Variants in PLCH2 observed in about 807,000 individuals in gnomAD.
PLCH2 encodes the protein 1-phosphatidylinositol 4,5-bisphosphate phosphodiesterase eta-2.
PLCH2 carries 98 observed loss-of-function variants against 134.7 expected under a neutral mutation model. The ratio of observed to expected loss-of-function variants is 0.73; its 90% CI spans 0.62 to 0.86. The LOEUF is 0.86. Among genes scored for constraint, PLCH2 ranks in the 40% least tolerant of loss-of-function variants. The pLI, the probability that PLCH2 is intolerant of heterozygous loss-of-function variation, is 0.00. For synonymous variants in PLCH2, 974 were observed against 827.5 expected (o/e 1.18, Z -3.04); for missense variants, 1,994 against 1,986.6 (o/e 1.00, Z -0.07).
intron 1 of PLCH2, among the ~76,000 whole-genome samples, chr1:2,427,970 C>T (rs367617194): frequency 3.3e-5 from 5 of 152,124 alleles, no homozygotes; most frequent in Admixed American, 2.0e-4. Context: ...CCGGGGGCTT[C>T]GAGGGCAGAG....
In PLCH2 at chr1:2,499,936, T is replaced by G. The variant is rs111550591; in HGVS notation, c.2661+216T>G. 4,628 of 605,686 alleles carry G rather than the reference T, an allele frequency of 7.6e-3. 30 individuals are homozygous for G. The highest frequency in any genetic ancestry group is 0.024 in the African/African-American group (1,284 of 54,314). 37.5% of individuals were successfully genotyped at this position (605,686 alleles called of 1,614,324 possible). A position where few individuals can be genotyped will look rare whatever the true frequency, so the allele number is the denominator to read the frequency against. ...CCCACCTCTGATCTCAGGGCTGGCT[T>G]TGGGCATCTCGGGCAGGACAGGTCC... is the stretch of plus-strand genomic sequence containing the variant. On this transcript the variant is annotated intron_variant, in intron 20 of 21. Transcript: ENST00000378486.
At chr1:2,446,773 G>C (rs1276565116) in intron 2 of PLCH2, among the ~76,000 whole-genome samples, 1 of 152,150 alleles carries the variant, frequency 6.6e-6, no homozygotes, top group Non-Finnish European at 1.5e-5. Flanking sequence ...TGGCAGAGGG[G>C]TCGGGGCCTG....
Position 2,439,244 on chromosome 1 carries a change from G to GC in PLCH2, c.115+8622dup, listed in dbSNP as rs34299371. Among the ~76,000 whole-genome samples the GC allele has an allele frequency of 2.6e-5, 4 of 151,920 alleles. No individual in the cohort carries two copies. The highest frequency in any genetic ancestry group is 5.9e-5 in the Non-Finnish European group (4 of 67,982). On this transcript the variant is annotated intron_variant, in intron 2 of 3. Transcript: ENST00000609981. This position sits in a 1 kb window ranked among gnomAD's most constrained non-coding sequence, Gnocchi z 4.7. ...CAGGCAGTGCCTATAAAGACCTTTG[G>GC]CCCCCCCGAGGGTGTCCTCACCCTT...
the PLCH2 span, among the ~76,000 whole-genome samples, chr1:2,416,934 C>CCTGGGGCT: frequency 2.6e-5 from 4 of 152,096 alleles, no homozygotes; most frequent in Admixed American, 6.5e-5. Context: ...CTGGGGGGGC[C>CCTGGGGCT]CTGGGGCTCT....
Position 2,489,860 on chromosome 1 carries a change from A to T in PLCH2, c.1508A>T (p.Asn503Ile). The T allele has an allele frequency of 6.2e-7, 1 of 1,609,386 alleles. No individual in the cohort carries two copies. The highest frequency in any genetic ancestry group is 8.5e-7 in the Non-Finnish European group (1 of 1,175,884). Residue 503 changes from asparagine (N) to isoleucine (I), a missense_variant, in exon 10 of 22, where the codon AAT (asparagine) becomes ATT (isoleucine). This residue lies in a region of PLCH2 where 1,094 missense variants were observed against 1,234.3 expected (regional missense o/e 0.89). Coordinates refer to ENST00000378486, the MANE Select transcript of PLCH2 (RefSeq NM_014638.4). ...DEIDDDCKLLNGDASTNRKRV... is the reference protein window; with the variant it reads ...DEIDDDCKLLIGDASTNRKRV... ...ATTGACGATGACTGCAAGCTCCTCA[A>T]TGGGGATGTGAGTCGGGCTGGAGGT...
chr1:2,428,892 G>A (rs1638933392), intron 1 of PLCH2, among the ~76,000 whole-genome samples: 1 of 152,274 alleles, frequency 6.6e-6, no homozygotes, highest in African/African-American at 2.4e-5. Flanking sequence ...GCACCACCAG[G>A]CTTGGGTGAG....
chr1:2,445,590 C>T (rs114109970), intron 2 of PLCH2, among the ~76,000 whole-genome samples: 1,535 of 151,758 alleles, frequency 0.01, 26 homozygotes, highest in African/African-American at 0.035. Context: ...AGGGTGGGGA[C>T]AGGTTGGCAG....
upstream of PLCH2, among the ~76,000 whole-genome samples, chr1:2,467,142 C>T (rs993621374): frequency 6.8e-6 from 1 of 147,942 alleles, no homozygotes; most frequent in African/African-American, 2.5e-5. Flanking sequence ...GGCTCTGGTC[C>T]TGGGGGTGCA....
At chr1:2,422,788 C>G (rs1225356369), upstream of PLCH2, among the ~76,000 whole-genome samples, 1 of 152,130 alleles carries the variant, frequency 6.6e-6, no homozygotes, top group Non-Finnish European at 1.5e-5. Flanking sequence ...AGTGATCCTC[C>G]CACCTTAGCC....
chr1:2,465,492 A>G (rs900986884), upstream of PLCH2, among the ~76,000 whole-genome samples: 6 of 152,272 alleles, frequency 3.9e-5, no homozygotes, highest in Admixed American at 3.9e-4. Flanking sequence ...TGTTCCTTCC[A>G]GTCGCCTTCT....
chr1:2,416,075 G>T, the PLCH2 span, among the ~76,000 whole-genome samples: 2 of 152,224 alleles, frequency 1.3e-5, no homozygotes, highest in Non-Finnish European at 1.5e-5. Context: ...GTGATCTGAC[G>T]CACCAGCAGG....
At chr1:2,425,617 G>A (rs2100466613), upstream of PLCH2, among the ~76,000 whole-genome samples, 1 of 152,068 alleles carries the variant, frequency 6.6e-6, no homozygotes, top group African/African-American at 2.4e-5. Flanking sequence ...GTGCTCAAGT[G>A]ATTCTCCTGC....
chr1:2,473,271 C>A (rs1356357696), upstream of PLCH2, among the ~76,000 whole-genome samples: 1 of 152,192 alleles, frequency 6.6e-6, no homozygotes, highest in East Asian at 1.9e-4. Context: ...AGGCCCAGGA[C>A]CCCTGCTTCC....
chr1:2,485,593 C>T (rs1642242807), intron 5 of PLCH2, among the ~76,000 whole-genome samples: 1 of 151,676 alleles, frequency 6.6e-6, no homozygotes, highest in Admixed American at 6.6e-5. Flanking sequence ...CTACTGGCCT[C>T]AGCCTGGGGG....
chr1:2,501,824 C>G, intron 20 of PLCH2: 1 of 386,908 alleles, frequency 2.6e-6, no homozygotes, highest in Non-Finnish European at 4.6e-6. Flanking sequence ...CCTCAAGGGC[C>G]CCACATGCCC....
chr1:2,489,989 A>T, intron 10 of PLCH2, 122 bp downstream of exon 10: 1 of 737,028 alleles, frequency 1.4e-6, no homozygotes, highest in Non-Finnish European at 2.4e-6. Context: ...ACATTGGGGC[A>T]GATTCGCACA....
At position 2,505,027 on chromosome 1, in the gene PLCH2, G is replaced by A. The variant is rs1199340708; in HGVS notation, c.4065G>A (p.Gln1355=). The A allele has an allele frequency of 1.3e-6, 2 of 1,544,430 alleles. No individual in the cohort carries two copies. Among genetic ancestry groups the A allele is most frequent in the Admixed American group, 1.9e-5 (1 of 52,080 alleles). The part of the protein sequence containing the change: ...RVRAIASRAR[Q]AQERQQRLQG... ...GTGCCATTGCCAGCCGGGCCCGCCA[G>A]GCCCAGGAGCGGCAGCAGAGACTGC... The change falls in exon 22 of 22, where the codon CAG becomes CAA. Residue 1355 remains glutamine, a synonymous_variant. Transcript: ENST00000378486.
intron 20 of PLCH2, 83 bp downstream of exon 20, chr1:2,499,803 T>C (rs945665334): frequency 1.8e-6 from 2 of 1,098,330 alleles, no homozygotes; most frequent in African/African-American, 3.1e-5. Flanking sequence ...GTGTCCCCAG[T>C]GCTGGGTCCT....
At chr1:2,475,498 T>C (rs1025718935), upstream of PLCH2, among the ~76,000 whole-genome samples, 8 of 152,216 alleles carry the variant, frequency 5.3e-5, no homozygotes, top group African/African-American at 1.7e-4. Flanking sequence ...GAGCCTGTGC[T>C]GTCCTGTAGT....
Sources: gnomAD v4.1 joint callset for allele counts (sites outside exome capture counted in the v4.1 genomes callset) on GRCh38, gnomAD v4.1.1 for gene constraint, gnomAD v4.1.1 regional missense constraint, Gnocchi (gnomAD v3.1) non-coding constraint, MANE v1.5 for transcripts, NCBI Gene and HGNC (gene_info 2026-07-23, HGNC 2026-07-21) for gene names.